Variants in CDIN1 observed in about 807,000 individuals in gnomAD.
CDIN1 encodes CDAN1-interacting nuclease 1.
A neutral mutation model predicts 45.3 loss-of-function variants in CDIN1; 33 were observed. The ratio of observed to expected loss-of-function variants is 0.73; its 90% confidence interval spans 0.55 to 0.97. CDIN1 has a LOEUF of 0.97. Among genes scored for constraint, CDIN1 ranks in the 50% least tolerant of loss-of-function variants. The pLI is 0.00. For synonymous variants in CDIN1, 118 were observed against 124.4 expected, an observed-to-expected ratio of 0.95 and a Z score of 0.34; for missense variants, 303 against 339.4, an observed-to-expected ratio of 0.89 and a Z score of 0.84.
chr15:36,762,063 G>A (rs1294099176), intron 10 of CDIN1, among the ~76,000 whole-genome samples: 1 of 152,050 alleles, frequency 6.6e-6, no homozygotes, highest in East Asian at 1.9e-4. Context: ...GACCAACCTT[G>A]GTTTCCTATC....
At position 36,620,660 on chromosome 15, in the gene CDIN1, A is replaced by G. The variant is rs116191719; in HGVS notation, c.102-23618A>G. On this transcript the variant is annotated intron_variant, in intron 1 of 10. Coordinates refer to ENST00000566621, the MANE Select transcript of CDIN1 (RefSeq NM_001321759.2). Reference sequence around the variant, plus strand: ...TTTACTCTTCTGTTCACACATTGAGAATTTTAGGTCCCAAGATGGTAAGGC... The same window carrying G: ...TTTACTCTTCTGTTCACACATTGAGGATTTTAGGTCCCAAGATGGTAAGGC... Among the ~76,000 whole-genome samples the G allele has an allele frequency of 7.8e-3, 1,181 of 152,304 alleles. 15 individuals are homozygous for G. Among genetic ancestry groups the G allele is most frequent in the African/African-American group, 0.027 (1,115 of 41,552 alleles).
At chr15:36,774,438 C>T (rs1449052779) in intron 10 of CDIN1, among the ~76,000 whole-genome samples, 1 of 151,574 alleles carries the variant, frequency 6.6e-6, no homozygotes, top group Non-Finnish European at 1.5e-5. Context: ...TTCATTTTCA[C>T]GGACCTAGGA....
intron 8 of CDIN1, among the ~76,000 whole-genome samples, chr15:36,701,163 T>C (rs996780826): frequency 5.3e-5 from 8 of 150,730 alleles, no homozygotes; most frequent in African/African-American, 1.7e-4. Flanking sequence ...GATAGATAGA[T>C]AGATAGATAG....
At chr15:36,743,425 G>C (rs1044330033) in intron 10 of CDIN1, among the ~76,000 whole-genome samples, 6 of 152,156 alleles carry the variant, frequency 3.9e-5, no homozygotes, top group African/African-American at 1.4e-4. Flanking sequence ...TCTCTTTTCA[G>C]TATCAAGTCC....
At chr15:36,698,398 A>G (rs973414438) in intron 8 of CDIN1, among the ~76,000 whole-genome samples, 14 of 152,246 alleles carry the variant, frequency 9.2e-5, no homozygotes, top group Admixed American at 7.2e-4. Context: ...TGATTAATTA[A>G]GCAAGTGTTC....
chr15:36,618,806 C>G (rs1173515543), intron 1 of CDIN1: 8 of 787,384 alleles, frequency 1.0e-5, no homozygotes, highest in Non-Finnish European at 1.6e-5. Flanking sequence ...TTCCTCTGTT[C>G]AGAAGGATGG....
chr15:36,636,269 T>C (rs1385556014), intron 1 of CDIN1, among the ~76,000 whole-genome samples: 3 of 152,028 alleles, frequency 2.0e-5, no homozygotes, highest in South Asian at 4.2e-4. Context: ...AAGAAGGTAA[T>C]GGGCCAGGCG....
At chr15:36,640,449 T>G (rs2040062883) in intron 1 of CDIN1, among the ~76,000 whole-genome samples, 1 of 152,198 alleles carries the variant, frequency 6.6e-6, no homozygotes. Flanking sequence ...GCTTTATCTT[T>G]CTTTAATTGG....
intron 1 of CDIN1, among the ~76,000 whole-genome samples, chr15:36,582,613 A>G (rs889535018): frequency 6.6e-6 from 1 of 152,182 alleles, no homozygotes; most frequent in African/African-American, 2.4e-5. Flanking sequence ...TGCTATTTTT[A>G]TAAAAATAGT....
At chr15:36,792,898 C>T (rs2054684053) in intron 10 of CDIN1, among the ~76,000 whole-genome samples, 2 of 152,108 alleles carry the variant, frequency 1.3e-5, no homozygotes, top group African/African-American at 2.4e-5. Flanking sequence ...TCATCAGCCC[C>T]ATTCCCACTC....
chr15:36,704,670 T>A (rs1471627067), intron 8 of CDIN1: 1 of 152,054 alleles, frequency 6.6e-6, no homozygotes, highest in East Asian at 1.9e-4. Context: ...TCCCCCAATT[T>A]AGTAAAGATG....
chr15:36,714,101 A>AT (rs2043143250), intron 10 of CDIN1, among the ~76,000 whole-genome samples: 1 of 152,108 alleles, frequency 6.6e-6, no homozygotes, highest in Non-Finnish European at 1.5e-5. Context: ...GTACAATCAA[A>AT]TTTTTTTCTT....
At chr15:36,659,819 C>T (rs1346019249) in intron 5 of CDIN1, among the ~76,000 whole-genome samples, 4 of 151,690 alleles carry the variant, frequency 2.6e-5, no homozygotes, top group Non-Finnish European at 5.9e-5. Flanking sequence ...ATATGACAAA[C>T]CATAATTGAG....
chr15:36,616,987 C>T (rs2038926039), intron 1 of CDIN1: 2 of 641,936 alleles, frequency 3.1e-6, no homozygotes, highest in African/African-American at 3.6e-5. Flanking sequence ...TTTAATATTT[C>T]AGAACAAAAA....
intron 8 of CDIN1, among the ~76,000 whole-genome samples, chr15:36,703,975 C>G (rs944862871): frequency 2.0e-5 from 3 of 152,190 alleles, no homozygotes. Context: ...TTTGGCCTTG[C>G]ATCACAGCTA....
rs565610976 is a variant in CDIN1 at position 36,753,014 on chromosome 15, C to G, written c.716+43053C>G. ...GGAAGAGAGACGTATGATATTTGTG[C>G]AAAATAATAATGAGGTTAAAAATGG... On this transcript the variant is annotated intron_variant, in intron 10 of 10. Coordinates refer to ENST00000566621, the MANE Select transcript of CDIN1 (RefSeq NM_001321759.2). Among the ~76,000 whole-genome samples the G allele has an allele frequency of 3.3e-5, 5 of 152,172 alleles. No homozygotes were observed. The South Asian group carries it at 1.0e-3, about 32-fold the overall frequency.
At position 36,797,581 on chromosome 15, in the gene CDIN1, T is replaced by C. The variant is rs181711486; in HGVS notation, c.717-10743T>C. Among the ~76,000 whole-genome samples, 12 of 152,330 alleles carry C rather than the reference T, an allele frequency of 7.9e-5. No homozygotes were observed. In the East Asian group the frequency reaches 2.3e-3, roughly 29 times the overall value. ...CAGCATCATCTCCCCCTTAATATCC[T>C]AGACAGAATAGATTCCTACCAGCAA... On this transcript the variant is annotated intron_variant, in intron 10 of 10. Transcript: ENST00000566621.
chr15:36,662,049 A>AAATTTCTGAAGAACC (rs2041036604), intron 5 of CDIN1, among the ~76,000 whole-genome samples: 1 of 152,202 alleles, frequency 6.6e-6, no homozygotes, highest in Admixed American at 6.5e-5. Flanking sequence ...AGGCAGATTA[A>AAATTTCTGAAGAACC]AATTTCTGAA....
At chr15:36,789,653 T>TC (rs1253103750) in intron 10 of CDIN1, among the ~76,000 whole-genome samples, 1 of 152,156 alleles carries the variant, frequency 6.6e-6, no homozygotes, top group Non-Finnish European at 1.5e-5. Context: ...TAAGACAAAG[T>TC]CCAGACATCA....
Sources: gnomAD v4.1 joint callset for allele counts (sites outside exome capture counted in the v4.1 genomes callset) on GRCh38, gnomAD v4.1.1 for gene constraint, MANE v1.5 for transcripts, NCBI Gene and HGNC (gene_info 2026-07-23, HGNC 2026-07-21) for gene names.